Variants in LENG8 observed in about 807,000 individuals in gnomAD.
LENG8 encodes the protein leukocyte receptor cluster member 8.
A neutral mutation model predicts 102.1 loss-of-function variants in LENG8; 28 were observed. That is an observed-to-expected ratio of 0.27 (90% CI 0.20 to 0.38). LENG8 has a LOEUF of 0.38. Ranked by LOEUF, LENG8 falls within the 10% of genes least tolerant of loss-of-function variation. The probability of loss-of-function intolerance (pLI) is 1.00; values close to 1 mark genes in which losing one functional copy is unlikely to be tolerated. For synonymous variants in LENG8, 531 were observed against 456.7 expected (o/e 1.16, Z -2.07); for missense variants, 1,022 against 1,113.9 (o/e 0.92, Z 1.17).
chr19:54,454,239 T>C (rs1257636139), intron 5 of LENG8, among the ~76,000 whole-genome samples, 191 bp from the exon 6 acceptor site: 2 of 152,148 alleles, frequency 1.3e-5, no homozygotes, highest in Non-Finnish European at 2.9e-5. Context: ...CCTTGTCAGC[T>C]GTGAAAAGGG....
Position 54,458,466 on chromosome 19 carries a change from G to A in LENG8, c.2185G>A (p.Val729Met), listed in dbSNP as rs762493784. The stretch of plus-strand genomic sequence containing the variant: ...TGCACCCTGCATGTCTGGCTACCTC[G>A]TGGACAAGTTTGCAGATCGGGAGCG... Reference protein sequence around the residue: ...CHAPCMSGYLVDKFADRERKV... With the variant: ...CHAPCMSGYLMDKFADRERKV... The change falls in exon 15 of 16, where the codon GTG (valine) becomes ATG (methionine). Residue 729 changes from valine (V) to methionine (M), a missense_variant. Transcript: ENST00000326764. The A allele has an allele frequency of 4.3e-6, 7 of 1,614,246 alleles. No individual in the cohort carries two copies. Among genetic ancestry groups the A allele is most frequent in the South Asian group, 1.1e-5 (1 of 91,090 alleles).
At chr19:54,457,165 T>C (rs2084294696) in intron 11 of LENG8, among the ~76,000 whole-genome samples, 1 of 152,248 alleles carries the variant, frequency 6.6e-6, no homozygotes, top group Non-Finnish European at 1.5e-5. Context: ...CCGTGGTTCC[T>C]GGCTTAGGTG....
At position 54,450,436 on chromosome 19, in the gene LENG8, C is replaced by G. The variant is rs560972077; in HGVS notation, c.-55-854C>G. ...CTTCCGGAAAATCCCCTTTTCCTCT[C>G]AAAATTTTCTTCTCTTCTCCAATAT... On this transcript the variant is annotated intron_variant, in intron 1 of 15. Transcript: ENST00000326764. 2.0e-5 allele frequency among the ~76,000 whole-genome samples: 3 copies of G among 152,154 alleles called. No individual in the cohort carries two copies. In the South Asian group the frequency reaches 6.2e-4, roughly 32 times the overall value.
intron 15 of LENG8, 47 bp from the exon 16 acceptor site, chr19:54,460,719 G>GCCCAAC: frequency 1.3e-6 from 1 of 778,920 alleles, no homozygotes; most frequent in Non-Finnish European, 1.8e-6. Context: ...GCCCTCCCCT[G>GCCCAAC]CCCTCCCGCC....
Position 54,456,098 on chromosome 19 carries a change from G to A in LENG8, c.1157G>A (p.Gly386Glu). 1.2e-6 allele frequency: 2 copies of A among 1,609,608 alleles called. No individual in the cohort carries two copies. Among genetic ancestry groups the A allele is most frequent in the Non-Finnish European group, 1.7e-6 (2 of 1,177,224 alleles). ...GCCCCGTCCCAGCGAGGGACGCCCG[G>A]GGCTGGGGGTGCCGGTCGAGCCCGG... ...GGAPSQRGTP[G>E]AGGAGRARGN... Residue 386 changes from glycine (G) to glutamate (E), a missense_variant, in exon 9 of 16, where the codon GGG becomes GAG. Transcript: ENST00000326764.
At chr19:54,453,490 G>T (rs946679868) in intron 4 of LENG8, 56 bp from the exon 5 acceptor site, 5 of 1,167,732 alleles carry the variant, frequency 4.3e-6, no homozygotes, top group Non-Finnish European at 6.4e-6. Context: ...TGAGCAGGCT[G>T]GGGAAGCGGA....
rs1444366649 is a variant in LENG8 at position 54,461,255 on chromosome 19, A to G, written c.*327A>G. 1 of 530,066 alleles carries G rather than the reference A, an allele frequency of 1.9e-6. No individual in the cohort carries two copies. Among genetic ancestry groups the G allele is most frequent in the South Asian group, 1.6e-5 (1 of 63,482 alleles). The allele number at this position is 530,066 out of a possible 1,614,324, so 32.8% of individuals were successfully genotyped here. ...TTCTCTCTCTCTCTTTCGAGCTTGC[A>G]CTCCGGTACCCGACCCGGCGCCCTG... On this transcript the variant is annotated 3_prime_UTR_variant, in exon 16 of 16. Coordinates refer to ENST00000326764, the MANE Select transcript of LENG8 (RefSeq NM_052925.4).
Position 54,458,103 on chromosome 19 carries a change from G to T in LENG8, c.1903G>T (p.Gly635Cys), listed in dbSNP as rs548690849. The change falls in exon 14 of 16, where the codon GGT becomes TGT. Residue 635 changes from glycine to cysteine, a missense_variant and splice_region_variant. This residue lies in a region of LENG8 where 158 missense variants were observed against 229.0 expected (regional missense o/e 0.69). Coordinates refer to ENST00000326764, the MANE Select transcript of LENG8 (RefSeq NM_052925.4). Reference sequence around the variant, plus strand: ...CTCCCTCGGTGCCTCTGCCTTCCAGGGTGACCATGAAGAGTTTAACCAGTG... The same window carrying T: ...CTCCCTCGGTGCCTCTGCCTTCCAGTGTGACCATGAAGAGTTTAACCAGTG... ...ETHARIALEK[G>C]DHEEFNQCQT... The T allele has an allele frequency of 6.2e-7, 1 of 1,612,916 alleles. No individual in the cohort carries two copies. Among genetic ancestry groups the T allele is most frequent in the Non-Finnish European group, 8.5e-7 (1 of 1,180,006 alleles).
At position 54,454,440 on chromosome 19, in the gene LENG8, C is replaced by G. The variant is rs1029994784; in HGVS notation, c.437C>G (p.Pro146Arg). The change falls in exon 6 of 16, where the codon CCC becomes CGC. Residue 146 changes from proline (P) to arginine (R), a missense_variant. Pro to Arg is a moderately radical substitution (Grantham distance 103). Transcript: ENST00000326764. ...TGCTTCCTTCTGCAGCCCCCAGTCCCCGGCATGGATGAGAGCATGTCCTAC... is the reference window on the plus strand; with the variant it reads ...TGCTTCCTTCTGCAGCCCCCAGTCCGCGGCATGGATGAGAGCATGTCCTAC... ...HQGTLNQPPV[P>R]GMDESMSYQA... 6.2e-7 allele frequency: 1 copy of G among 1,607,378 alleles called. No homozygotes were observed. Among genetic ancestry groups the G allele is most frequent in the Non-Finnish European group, 8.5e-7 (1 of 1,176,328 alleles).
chr19:54,460,174 C>T (rs186945947), intron 15 of LENG8: 67 of 1,289,952 alleles, frequency 5.2e-5, no homozygotes, highest in East Asian at 3.9e-4. Context: ...GCCCCTCACT[C>T]GGTGCCTGGG....
chr19:54,461,089 T>C lies in LENG8; in HGVS notation c.*161T>C. 9.2e-7 allele frequency: 1 copy of C among 1,086,606 alleles called. No individual in the cohort carries two copies. The highest frequency in any genetic ancestry group is 1.3e-6 in the Non-Finnish European group (1 of 747,006). The allele number at this position is 1,086,606 out of a possible 1,614,324, so 67.3% of individuals were successfully genotyped here. Reference sequence around the variant, plus strand: ...CCCCGTTTTCCCACCGGGGAGTCTGTACAGAGATTTTTCTACGTTTTTATT... The same window carrying C: ...CCCCGTTTTCCCACCGGGGAGTCTGCACAGAGATTTTTCTACGTTTTTATT... On this transcript the variant is annotated 3_prime_UTR_variant, in exon 16 of 16. Transcript: ENST00000326764.
rs749501686 is a variant in LENG8 at position 54,456,368 on chromosome 19, T to C, written c.1348T>C (p.Cys450Arg). The C allele has an allele frequency of 1.2e-6, 2 of 1,612,994 alleles. No individual in the cohort carries two copies. The highest frequency in any genetic ancestry group is 1.7e-6 in the Non-Finnish European group (2 of 1,179,894). ...DSDSSYSGNECHPVGRRNPPP... is the reference protein window; with the variant it reads ...DSDSSYSGNERHPVGRRNPPP... ...CGACAGCTCCTACTCAGGGAATGAG[T>C]GTCACCCTGTGGGCCGCAGGAACCC... Residue 450 changes from cysteine to arginine, a missense_variant, in exon 10 of 16, where the codon TGT (cysteine) becomes CGT (arginine). Coordinates refer to ENST00000326764, the MANE Select transcript of LENG8 (RefSeq NM_052925.4).
In LENG8 at chr19:54,458,154, G is replaced by A. The variant is rs368155889; in HGVS notation, c.1954G>A (p.Ala652Thr). ...CCAGACGCAGCTCAAGTCGCTGTAC[G>A]CCGAGAACTTGCCTGGCAATGTGGG... ...QCQTQLKSLY[A>T]ENLPGNVGEF... The change falls in exon 14 of 16, where the codon GCC becomes ACC. Residue 652 changes from alanine to threonine, a missense_variant. Physicochemically the swap from Ala to Thr is moderately conservative, Grantham distance 58. This residue lies in a region of LENG8 where 158 missense variants were observed against 229.0 expected (regional missense o/e 0.69). Transcript: ENST00000326764. 4.8e-5 allele frequency: 78 copies of A among 1,613,976 alleles called. No homozygotes were observed. The highest frequency in any genetic ancestry group is 6.4e-5 in the Non-Finnish European group (75 of 1,180,040).
intron 1 of LENG8, chr19:54,449,756 A>G (rs2083862235): frequency 6.6e-6 from 1 of 152,028 alleles, no homozygotes; most frequent in Non-Finnish European, 1.5e-5. Context: ...TGCTCCCGGG[A>G]CCTCAGGCCT....
intron 8 of LENG8, 116 bp downstream of exon 8, chr19:54,455,683 T>A: frequency 1.0e-6 from 1 of 983,298 alleles, no homozygotes; most frequent in Non-Finnish European, 1.5e-6. Context: ...AGAAATGAAC[T>A]GGAAAGTTGG....
intron 15 of LENG8, chr19:54,459,444 G>C: frequency 1.0e-6 from 1 of 963,326 alleles, no homozygotes; most frequent in Non-Finnish European, 1.2e-6. Flanking sequence ...CACAGCATGG[G>C]GGCCTTGAGT....
rs1039750876 is a variant in LENG8 at position 54,456,035 on chromosome 19, C to T, written c.1094C>T (p.Pro365Leu). 2 of 1,612,744 alleles carry T rather than the reference C, an allele frequency of 1.2e-6. No homozygotes were observed. The highest frequency in any genetic ancestry group is 1.1e-5 in the South Asian group (1 of 91,044). Residue 365 changes from proline (P) to leucine (L), a missense_variant, in exon 9 of 16, where the codon CCT becomes CTT. Around this residue, in one of 7 missense-constraint regions of LENG8, gnomAD observed 326 missense variants for 324.5 expected, o/e 1.00. Transcript: ENST00000326764. ...TGGGAGGCCGCTAGCAGCCTTCACC[C>T]TCCTAGAGGGGCAGGCTCGGCGACA... Reference protein sequence around the residue: ...KRWEAASSLHPPRGAGSATRG... With the variant: ...KRWEAASSLHLPRGAGSATRG...
chr19:54,456,225 G>A lies in LENG8; in HGVS notation c.1284G>A (p.Pro428=), dbSNP rs370577866. 1.3e-5 allele frequency: 21 copies of A among 1,613,146 alleles called. No homozygotes were observed. Among genetic ancestry groups the A allele is most frequent in the Non-Finnish European group, 1.7e-5 (20 of 1,179,554 alleles). ...GCTCCCGCTCCTCCTCCAGGTCCCC[G>A]ACGCGCCACTTCCGCAGAAGGTACT... is the stretch of plus-strand genomic sequence containing the variant. ...DSRSRSSSRS[P]TRHFRRSDSH... The change falls in exon 9 of 16, where the codon CCG becomes CCA. Residue 428 remains proline (P), a synonymous_variant. Coordinates refer to ENST00000326764, the MANE Select transcript of LENG8 (RefSeq NM_052925.4).
chr19:54,453,169 C>T (rs1262444075), intron 4 of LENG8, among the ~76,000 whole-genome samples: 1 of 152,174 alleles, frequency 6.6e-6, no homozygotes, highest in Non-Finnish European at 1.5e-5. Context: ...GCCTGTCCCT[C>T]TCCCTTTCTT....
Sources: allele counts gnomAD v4.1 joint callset (sites outside exome capture counted in the v4.1 genomes callset), GRCh38; gene constraint gnomAD v4.1.1; regional missense constraint gnomAD v4.1.1; transcripts MANE v1.5; gene names NCBI Gene and HGNC (gene_info 2026-07-23, HGNC 2026-07-21).